Variants in CIMAP2 observed in about 807,000 individuals in gnomAD.
The protein encoded by CIMAP2 is ciliary microtubule-associated protein 2.
the CIMAP2 span, among the ~76,000 whole-genome samples, chr1:54,832,331 T>G: frequency 6.6e-6 from 1 of 151,120 alleles, no homozygotes; most frequent in Non-Finnish European, 1.5e-5. Context: ...TAAAAATTGA[T>G]CTCTAAGAAA....
the CIMAP2 span, chr1:54,817,059 G>A: frequency 3.7e-6 from 6 of 1,614,176 alleles, no homozygotes; most frequent in African/African-American, 1.3e-5. Flanking sequence ...CAGCGATATC[G>A]ATCCCTATTC....
chr1:54,811,772 T>TTCCCCC, the CIMAP2 span: 37 of 454,828 alleles, frequency 8.1e-5, 1 homozygote, highest in South Asian at 1.4e-4. Flanking sequence ...ACAGCCTCCA[T>TTCCCCC]GCCCCCACCC....
At chr1:54,818,525 TG>T in the CIMAP2 span, among the ~76,000 whole-genome samples, 1 of 152,210 alleles carries the variant, frequency 6.6e-6, no homozygotes. Context: ...TCTTTTGCTG[TG>T]GATTGCTCTT....
the CIMAP2 span, among the ~76,000 whole-genome samples, chr1:54,840,199 C>T: frequency 6.6e-6 from 1 of 152,312 alleles, no homozygotes; most frequent in Non-Finnish European, 1.5e-5. Flanking sequence ...TGGAGTTTTG[C>T]CTTTTCCAGA....
the CIMAP2 span, among the ~76,000 whole-genome samples, chr1:54,822,834 G>A: frequency 5.3e-5 from 8 of 152,226 alleles, no homozygotes; most frequent in African/African-American, 1.9e-4. Flanking sequence ...TTGACCAAGT[G>A]GTCTTTCAGG....
chr1:54,817,231 C>T, the CIMAP2 span: 9 of 1,421,384 alleles, frequency 6.3e-6, no homozygotes, highest in African/African-American at 1.4e-5. Context: ...ACAGCTTCTG[C>T]CCCTAATGCC....
the CIMAP2 span, chr1:54,806,235 C>A: frequency 6.6e-7 from 1 of 1,511,234 alleles, no homozygotes. Context: ...GGCCCGTTTG[C>A]GTCCTGGGCT....
the CIMAP2 span, chr1:54,813,662 T>A: frequency 1.2e-6 from 1 of 857,846 alleles, no homozygotes; most frequent in Non-Finnish European, 1.6e-6. Flanking sequence ...CAGGGGGGCC[T>A]TGAGGCTGGC....
the CIMAP2 span, chr1:54,807,704 G>GGCCATGCCTCTCCCTCTCTGGT: frequency 5.7e-6 from 9 of 1,569,242 alleles, no homozygotes; most frequent in South Asian, 3.6e-5. Context: ...AGGCCTCTGG[G>GGCCATGCCTCTCCCTCTCTGGT]GCCATGCCTC....
At chr1:54,842,173 A>C in the CIMAP2 span, 1 of 484,774 alleles carries the variant, frequency 2.1e-6, no homozygotes, top group South Asian at 3.0e-5. Context: ...AAGGGATGGG[A>C]CGTAGTTGAC....
chr1:54,841,660 G>C, the CIMAP2 span: 1 of 1,612,080 alleles, frequency 6.2e-7, no homozygotes, highest in Non-Finnish European at 8.5e-7. Flanking sequence ...ATCAATTTTG[G>C]CCTCTCACCA....
the CIMAP2 span, chr1:54,806,123 G>A: frequency 3.2e-6 from 5 of 1,539,108 alleles, no homozygotes; most frequent in Non-Finnish European, 4.4e-6. Flanking sequence ...TGCCATGAGG[G>A]AAAGCCAGGA....
the CIMAP2 span, among the ~76,000 whole-genome samples, chr1:54,841,337 G>T: frequency 2.0e-5 from 3 of 152,190 alleles, no homozygotes; most frequent in African/African-American, 7.2e-5. Context: ...AAGGGCTCAC[G>T]GGATGGGAGG....
chr1:54,808,096 C>T, the CIMAP2 span: 1 of 1,364,574 alleles, frequency 7.3e-7, no homozygotes, highest in African/African-American at 1.5e-5. Context: ...ACATATCCAT[C>T]CAGCCAGCCA....
chr1:54,814,144 T>G, the CIMAP2 span, among the ~76,000 whole-genome samples: 1 of 152,190 alleles, frequency 6.6e-6, no homozygotes, highest in Non-Finnish European at 1.5e-5. Context: ...GGTGAGACTT[T>G]GGGCGTCGGT....
chr1:54,835,079 C>T, the CIMAP2 span, among the ~76,000 whole-genome samples: 1 of 152,228 alleles, frequency 6.6e-6, no homozygotes. Context: ...AAGGCATATT[C>T]TTTGTCCAGA....
chr1:54,819,915 C>G, the CIMAP2 span, among the ~76,000 whole-genome samples: 2 of 97,890 alleles, frequency 2.0e-5, no homozygotes, highest in African/African-American at 9.0e-5. Flanking sequence ...CCTTTCTTCC[C>G]TCCCTCCCCC....
At chr1:54,814,507 A>C in the CIMAP2 span, among the ~76,000 whole-genome samples, 25 of 152,198 alleles carry the variant, frequency 1.6e-4, no homozygotes, top group Non-Finnish European at 2.8e-4. Context: ...TATCATCTGC[A>C]TTTCACTAAA....
At chr1:54,840,865 C>T in the CIMAP2 span, among the ~76,000 whole-genome samples, 1 of 152,156 alleles carries the variant, frequency 6.6e-6, no homozygotes, top group Non-Finnish European at 1.5e-5. Context: ...TTATCAGATA[C>T]GTGTTTTGCA....
Sources: allele counts gnomAD v4.1 joint callset (sites outside exome capture counted in the v4.1 genomes callset), GRCh38; gene constraint gnomAD v4.1.1; transcripts MANE v1.5; gene names NCBI Gene and HGNC (gene_info 2026-07-23, HGNC 2026-07-21).